Variants in STMN1 observed in about 807,000 individuals in gnomAD.
STMN1 encodes stathmin 1.
Under a neutral mutation model 19.7 loss-of-function variants are expected in STMN1, and 3 were observed. The observed-to-expected ratio is 0.15, with a 90% CI of 0.07 to 0.39. The LOEUF (loss-of-function observed/expected upper bound fraction) is 0.39. Among genes scored for constraint, STMN1 ranks in the 10% least tolerant of loss-of-function variants. The probability of loss-of-function intolerance (pLI) is 1.00; values close to 1 mark genes in which losing one functional copy is unlikely to be tolerated. For missense variants in STMN1, 99 were observed against 176.0 expected (o/e 0.56, Z 2.48); for synonymous variants, 59 against 58.9 (o/e 1.00, Z -0.01).
chr1:25,899,615 G>T (rs1459969608), downstream of STMN1, among the ~76,000 whole-genome samples: 1 of 152,182 alleles, frequency 6.6e-6, no homozygotes, highest in East Asian at 1.9e-4. Context: ...TATAAACTTA[G>T]ATCACTCATT....
At chr1:25,903,548 G>T in intron 3 of STMN1, 93 bp downstream of exon 3, 1 of 1,510,428 alleles carries the variant, frequency 6.6e-7, no homozygotes, top group Non-Finnish European at 9.0e-7. Context: ...TCACAGTGTA[G>T]CTACAATTCT....
chr1:25,896,879 G>A (rs1254404457), downstream of STMN1, among the ~76,000 whole-genome samples: 1 of 152,218 alleles, frequency 6.6e-6, no homozygotes, highest in Non-Finnish European at 1.5e-5. Context: ...GGTCCTTGGA[G>A]TTCAGCTCTG....
intron 4 of STMN1, among the ~76,000 whole-genome samples, chr1:25,892,878 G>C (rs1374545267): frequency 1.3e-5 from 2 of 152,176 alleles, no homozygotes; most frequent in African/African-American, 2.4e-5. Flanking sequence ...GCCAAGCAAT[G>C]GACTCAATTA....
chr1:25,884,977 G>GT (rs2048710061), downstream of STMN1: 1 of 153,780 alleles, frequency 6.5e-6, no homozygotes, highest in East Asian at 1.9e-4. Context: ...AATCCCTTTG[G>GT]TATCTACAGG....
At position 25,900,863 on chromosome 1, in the gene STMN1, C is replaced by G; in HGVS notation, c.*153G>C. ...AGTTTCTCCCCTTTAGCCCCTAAAA[C>G]AACATCTTACAGTCTGGATCTGGAT... On this transcript the variant is annotated 3_prime_UTR_variant, in exon 5 of 5. Transcript: ENST00000455785. 7.0e-7 allele frequency: 1 copy of G among 1,434,672 alleles called. No homozygotes were observed. Among genetic ancestry groups the G allele is most frequent in the Non-Finnish European group, 9.2e-7 (1 of 1,092,850 alleles). The allele number at this position is 1,434,672 out of a possible 1,614,324, so 88.9% of individuals were successfully genotyped here.
downstream of STMN1, among the ~76,000 whole-genome samples, chr1:25,899,490 C>A (rs2048849076): frequency 6.6e-6 from 1 of 152,220 alleles, no homozygotes; most frequent in African/African-American, 2.4e-5. Flanking sequence ...ATTTGCCCTA[C>A]ATGGGCGTAA....
chr1:25,887,494 A>C (rs886411503), intron 4 of STMN1: 10 of 351,178 alleles, frequency 2.8e-5, no homozygotes, highest in Non-Finnish European at 5.6e-5. Context: ...CAGCTTGCAA[A>C]TAAGAGAAAT....
At chr1:25,884,655 C>G (rs2048706987), downstream of STMN1, 1 of 149,688 alleles carries the variant, frequency 6.7e-6, no homozygotes, top group Non-Finnish European at 1.5e-5. Context: ...GAGATCACGC[C>G]ACTGCCCTCC....
chr1:25,905,559 T>TGGCCCCGCCCCCTTC (rs1557486437), intron 1 of STMN1: 1 of 152,134 alleles, frequency 6.6e-6, no homozygotes, highest in East Asian at 1.9e-4. Context: ...CTCCGGCCCC[T>TGGCCCCGCCCCCTTC]GGCCCCGCCC....
chr1:25,896,972 T>G (rs1044484677), downstream of STMN1, among the ~76,000 whole-genome samples: 3 of 152,206 alleles, frequency 2.0e-5, no homozygotes, highest in Non-Finnish European at 4.4e-5. Context: ...AGGGAACTTC[T>G]AGGGCATCTA....
chr1:25,895,474 A>G (rs777544675), downstream of STMN1, among the ~76,000 whole-genome samples: 23 of 152,164 alleles, frequency 1.5e-4, no homozygotes, highest in Non-Finnish European at 2.2e-4. Flanking sequence ...TCTCTGTGTC[A>G]GGGACTGCAA....
At chr1:25,895,789 G>T (rs945406810), downstream of STMN1, among the ~76,000 whole-genome samples, 1 of 152,220 alleles carries the variant, frequency 6.6e-6, no homozygotes, top group African/African-American at 2.4e-5. Context: ...CAGTTTGTGC[G>T]TTCGGATCCA....
intron 4 of STMN1, 98 bp downstream of exon 4, chr1:25,901,393 A>G: frequency 7.0e-7 from 1 of 1,419,856 alleles, no homozygotes; most frequent in Non-Finnish European, 9.5e-7. Context: ...TGGATGACAA[A>G]AAGACACCAA....
intron 4 of STMN1, chr1:25,887,468 T>C: frequency 2.7e-6 from 1 of 373,228 alleles, no homozygotes; most frequent in Non-Finnish European, 5.2e-6. Flanking sequence ...GCATCTTAGA[T>C]GGCTACATGA....
At position 25,900,755 on chromosome 1, in the gene STMN1, G is replaced by A; in HGVS notation, c.*261C>T. 1 of 1,286,612 alleles carries A rather than the reference G, an allele frequency of 7.8e-7. No homozygotes were observed. Among genetic ancestry groups the A allele is most frequent in the Non-Finnish European group, 9.8e-7 (1 of 1,016,472 alleles). 79.7% of individuals were successfully genotyped at this position (1,286,612 alleles called of 1,614,324 possible). A position where few individuals can be genotyped will look rare whatever the true frequency, so the allele number is the denominator to read the frequency against. On this transcript the variant is annotated 3_prime_UTR_variant, in exon 5 of 5. Coordinates refer to ENST00000455785, the MANE Select transcript of STMN1 (RefSeq NM_005563.4). ...ACTAGCCATTAACCCAGTACACCAA[G>A]TGTACTGAAGTAGAAAAGATGCAAC...
chr1:25,887,477 G>T, intron 4 of STMN1: 3 of 362,134 alleles, frequency 8.3e-6, no homozygotes, highest in South Asian at 8.0e-5. Flanking sequence ...ATGGCTACAT[G>T]AACATGCAGC....
In STMN1 at chr1:25,901,620, A is replaced by C. The variant is rs776980840; in HGVS notation, c.249T>G (p.Leu83=). ...AEKREHEKEV[L]QKAIEENNNF... ...TGTTGTTCTCTTCTATTGCCTTCTGAAGCACTTCTTTCTCGTGCTCTCGTT... is the reference window on the plus strand; with the variant it reads ...TGTTGTTCTCTTCTATTGCCTTCTGCAGCACTTCTTTCTCGTGCTCTCGTT... Residue 83 remains leucine (L), a synonymous_variant, in exon 4 of 5, where the codon CTT becomes CTG. Coordinates refer to ENST00000455785, the MANE Select transcript of STMN1 (RefSeq NM_005563.4). The C allele has an allele frequency of 6.2e-7, 1 of 1,613,882 alleles. No individual in the cohort carries two copies. The highest frequency in any genetic ancestry group is 1.1e-5 in the South Asian group (1 of 91,028).
chr1:25,887,200 A>C, intron 4 of STMN1, among the ~76,000 whole-genome samples: 1 of 152,342 alleles, frequency 6.6e-6, no homozygotes, highest in African/African-American at 2.4e-5. Context: ...GCCTTCGTTC[A>C]GGTGCCTGGA....
chr1:25,896,194 A>C (rs2048816957), downstream of STMN1, among the ~76,000 whole-genome samples: 1 of 152,176 alleles, frequency 6.6e-6, no homozygotes, highest in South Asian at 2.1e-4. Flanking sequence ...TAAATCCCCT[A>C]ATCTAGGTCC....
Sources: gnomAD v4.1 joint callset for allele counts (sites outside exome capture counted in the v4.1 genomes callset) on GRCh38, gnomAD v4.1.1 for gene constraint, MANE v1.5 for transcripts, NCBI Gene and HGNC (gene_info 2026-07-23, HGNC 2026-07-21) for gene names.